ANAPC7: variants seen among roughly 807,000 people sequenced by gnomAD.
ANAPC7 encodes anaphase promoting complex subunit 7.
Under a neutral mutation model 63.3 loss-of-function variants are expected in ANAPC7, and 25 were observed. The observed-to-expected ratio is 0.39, with a 90% confidence interval of 0.29 to 0.55. The LOEUF is 0.55. ANAPC7 is among the 20% of genes least tolerant of loss of function. ANAPC7 has a pLI of 0.57. For synonymous variants in ANAPC7, 241 were observed against 251.7 expected, an observed-to-expected ratio of 0.96 and a Z score of 0.40; for missense variants, 516 against 691.7, an observed-to-expected ratio of 0.75 and a Z score of 2.85.
chr12:110,383,138 T>C, intron 6 of ANAPC7, 178 bp from the exon 7 acceptor site: 1 of 559,658 alleles, frequency 1.8e-6, no homozygotes, highest in Non-Finnish European at 3.2e-6. Flanking sequence ...ACAAAGTGAC[T>C]ATTAAAATGC....
chr12:110,395,715 T>C (rs1883515979), intron 2 of ANAPC7, among the ~76,000 whole-genome samples: 1 of 152,142 alleles, frequency 6.6e-6, no homozygotes, highest in Non-Finnish European at 1.5e-5. Flanking sequence ...ATTTTTTGTA[T>C]TTTTAGTAGA....
chr12:110,387,233 G>A (rs565817115), intron 5 of ANAPC7: 2 of 96,212 alleles, frequency 2.1e-5, no homozygotes, highest in Admixed American at 1.1e-4. Flanking sequence ...GAGAGAGAGA[G>A]AGAGACAGAG....
intron 3 of ANAPC7, among the ~76,000 whole-genome samples, chr12:110,393,518 A>G (rs1011960346): frequency 9.9e-5 from 15 of 151,970 alleles, no homozygotes; most frequent in African/African-American, 3.6e-4. Context: ...ACTTGAGCCC[A>G]GAAGTTTGGG....
chr12:110,394,835 C>T (rs192701036), intron 3 of ANAPC7, among the ~76,000 whole-genome samples: 248 of 152,004 alleles, frequency 1.6e-3, no homozygotes, highest in African/African-American at 5.8e-3. Context: ...GACAGTGAGA[C>T]TCTGTCTCAA....
intron 9 of ANAPC7, 32 bp downstream of exon 9, chr12:110,377,361 G>A (rs1881384621): frequency 1.9e-6 from 3 of 1,582,108 alleles, no homozygotes; most frequent in Non-Finnish European, 2.6e-6. Flanking sequence ...AAAAATTAAT[G>A]ATGAACAGGA....
intron 1 of ANAPC7, among the ~76,000 whole-genome samples, chr12:110,399,826 T>G (rs940861100): frequency 6.9e-6 from 1 of 144,316 alleles, no homozygotes; most frequent in Non-Finnish European, 1.5e-5. Context: ...CCAGGCGCGG[T>G]GGCTCACGCC....
At position 110,377,798 on chromosome 12, in the gene ANAPC7, C is replaced by T. The variant is rs1003862745; in HGVS notation, c.1133-181G>A. 5.6e-6 allele frequency: 8 copies of T among 1,437,436 alleles called. No homozygotes were observed. The African/African-American group carries it at 8.6e-5, about 15-fold the overall frequency. 89.0% of individuals were successfully genotyped at this position (1,437,436 alleles called of 1,614,324 possible). On this transcript the variant is annotated intron_variant, in intron 8 of 10. Coordinates refer to ENST00000455511, the MANE Select transcript of ANAPC7 (RefSeq NM_016238.3). ...ATGGAATAGCTAAGAAGTGCTCTTC[C>T]CCAGAGAACTTGATGGATGTAGAAA...
chr12:110,387,604 G>A (rs1882730465), intron 5 of ANAPC7, 135 bp downstream of exon 5: 1 of 1,026,234 alleles, frequency 9.7e-7, no homozygotes, highest in African/African-American at 1.6e-5. Context: ...CAGTATAAAA[G>A]ACTAACACAT....
intron 3 of ANAPC7, 126 bp downstream of exon 3, chr12:110,394,975 G>T: frequency 8.5e-7 from 1 of 1,183,100 alleles, no homozygotes; most frequent in Non-Finnish European, 1.2e-6. Flanking sequence ...CCATGAAGAG[G>T]AAGAAAATGA....
chr12:110,399,128 C>A (rs2062186043), intron 1 of ANAPC7, among the ~76,000 whole-genome samples: 1 of 150,016 alleles, frequency 6.7e-6, no homozygotes, highest in African/African-American at 2.5e-5. Context: ...TCAAGCAATT[C>A]TCCTGCCTCA....
Position 110,388,625 on chromosome 12 carries a change from T to C in ANAPC7, c.409-2A>G. ...CAGGTTTGCCAGCATCATGTTTATC[T>C]GTACAAACACAAATAACAGATAGCA... On this transcript the variant is annotated splice_acceptor_variant, in intron 3 of 10. Transcript: ENST00000455511. LOFTEE classifies it high-confidence loss of function. The C allele has an allele frequency of 6.2e-7, 1 of 1,609,258 alleles. No homozygotes were observed. The highest frequency in any genetic ancestry group is 8.5e-7 in the Non-Finnish European group (1 of 1,175,808).
intron 9 of ANAPC7, 100 bp from the exon 10 acceptor site, chr12:110,376,316 G>A: frequency 2.9e-6 from 4 of 1,364,214 alleles, no homozygotes; most frequent in Non-Finnish European, 4.0e-6. Flanking sequence ...GAACACTGGT[G>A]CAACACAAAG....
In ANAPC7 at chr12:110,381,830, T is replaced by C. The variant is rs965473042; in HGVS notation, c.1054A>G (p.Met352Val). ...LLLKGAALRN[M>V]GRVQEAIIHF... ...ATTATTGCTTCTTGGACTCTGCCCA[T>C]GTTCCTAAGTGCTGCTCCCTTAAGT... Residue 352 changes from methionine to valine, a missense_variant, in exon 8 of 11, where the codon ATG becomes GTG. By Grantham distance (21) the Met-to-Val change is conservative. This residue lies in a region of ANAPC7 where 199 missense variants were observed against 249.3 expected (regional missense o/e 0.80). Coordinates refer to ENST00000455511, the MANE Select transcript of ANAPC7 (RefSeq NM_016238.3). The C allele has an allele frequency of 6.2e-7, 1 of 1,614,002 alleles. No homozygotes were observed. Among genetic ancestry groups the C allele is most frequent in the Non-Finnish European group, 8.5e-7 (1 of 1,180,020 alleles).
intron 8 of ANAPC7, chr12:110,377,820 GA>G (rs1179735631): frequency 2.8e-6 from 4 of 1,424,288 alleles, no homozygotes; most frequent in Non-Finnish European, 3.7e-6. Context: ...GATGGATGTA[GA>G]AAAAGACTGC....
chr12:110,401,950 CAAAAAAA>C (rs747810973), intron 1 of ANAPC7, among the ~76,000 whole-genome samples: 2 of 46,108 alleles, frequency 4.3e-5, no homozygotes, highest in Non-Finnish European at 8.4e-5. Flanking sequence ...GACTCCGTCT[CAAAAAAA>C]AAAAAAAAAA....
chr12:110,378,938 A>G (rs1279842632), intron 8 of ANAPC7: 1 of 150,630 alleles, frequency 6.6e-6, no homozygotes, highest in Non-Finnish European at 1.5e-5. Flanking sequence ...GGCTCACTGC[A>G]ACCCATGTCT....
chr12:110,393,633 C>T (rs981611966), intron 3 of ANAPC7, among the ~76,000 whole-genome samples: 2 of 152,036 alleles, frequency 1.3e-5, no homozygotes, highest in South Asian at 2.1e-4. Flanking sequence ...TCTGTGAGGC[C>T]GAGGTGGGTG....
At chr12:110,382,440 T>TAA (rs1881940277) in intron 7 of ANAPC7, among the ~76,000 whole-genome samples, 5 of 26,780 alleles carry the variant, frequency 1.9e-4, no homozygotes, top group Admixed American at 6.2e-4. Flanking sequence ...GATTATCCTT[T>TAA]TAAAAAAAAA....
intron 1 of ANAPC7, among the ~76,000 whole-genome samples, chr12:110,397,620 G>A (rs551481200): frequency 6.6e-6 from 1 of 151,724 alleles, no homozygotes; most frequent in South Asian, 2.1e-4. Flanking sequence ...ATGGGGGGCT[G>A]GGCGTGGTGG....
Sources: allele counts gnomAD v4.1 joint callset (sites outside exome capture counted in the v4.1 genomes callset), GRCh38; gene constraint gnomAD v4.1.1; regional missense constraint gnomAD v4.1.1; transcripts MANE v1.5; gene names NCBI Gene and HGNC (gene_info 2026-07-23, HGNC 2026-07-21).